The following ZFHX3 variants were observed in gnomAD, a reference collection of about 807,000 sequenced individuals.
ZFHX3 encodes the protein zinc finger homeobox 3, also known as zinc finger homeobox protein 3.
A neutral mutation model predicts 279.1 loss-of-function variants in ZFHX3; 42 were observed. The observed-to-expected ratio is 0.15, with a 90% CI of 0.12 to 0.19. The LOEUF (loss-of-function observed/expected upper bound fraction) is 0.19. ZFHX3 is among the 10% of genes least tolerant of loss of function. The probability of loss-of-function intolerance (pLI) is 1.00; values close to 1 mark genes in which losing one functional copy is unlikely to be tolerated. For missense variants in ZFHX3, 4,981 were observed against 4,754.0 expected (o/e 1.05, Z -1.40); for synonymous variants, 2,293 against 1,957.8 (o/e 1.17, Z -4.52).
chr16:73,734,650 G>A (rs977312529), intron 1 of ZFHX3, among the ~76,000 whole-genome samples: 2 of 151,980 alleles, frequency 1.3e-5, no homozygotes, highest in South Asian at 4.1e-4. Flanking sequence ...AAGTATGATG[G>A]CTTACAAAGA....
chr16:72,837,035 T>C (rs1014663395), intron 4 of ZFHX3, among the ~76,000 whole-genome samples: 1 of 152,136 alleles, frequency 6.6e-6, no homozygotes, highest in African/African-American at 2.4e-5. Flanking sequence ...TCTGCGTGTA[T>C]GATAAGCAAA....
At chr16:73,627,762 A>T (rs2052432082) in intron 2 of ZFHX3, among the ~76,000 whole-genome samples, 2 of 152,062 alleles carry the variant, frequency 1.3e-5, no homozygotes, top group African/African-American at 4.8e-5. Flanking sequence ...ACTAAAAAAC[A>T]CAAAAATTAG....
At chr16:72,844,676 G>A (rs1010719460) in intron 4 of ZFHX3, among the ~76,000 whole-genome samples, 7 of 152,102 alleles carry the variant, frequency 4.6e-5, no homozygotes, top group African/African-American at 7.2e-5. Context: ...AAAATGCACC[G>A]CAGCAGGACA....
At chr16:73,510,932 T>C (rs1293642418) in intron 2 of ZFHX3, among the ~76,000 whole-genome samples, 2 of 152,210 alleles carry the variant, frequency 1.3e-5, no homozygotes, top group Admixed American at 1.3e-4. Flanking sequence ...ATTCTAGCAA[T>C]TAATGTGATG....
rs199920204 is a variant in ZFHX3, at chr16:72,787,732, C to G, written c.10544G>C (p.Gly3515Ala). The G allele has an allele frequency of 7.2e-5, 101 of 1,399,070 alleles. No homozygotes were observed. In the African/African-American group the frequency reaches 1.4e-3, roughly 20 times the overall value. 86.7% of individuals were successfully genotyped at this position (1,399,070 alleles called of 1,614,324 possible). A position where few individuals can be genotyped will look rare whatever the true frequency, so the allele number is the denominator to read the frequency against. The change falls in exon 10 of 10, where the codon GGC becomes GCC. Residue 3515 changes from glycine to alanine, a missense_variant. Gly to Ala is a moderately conservative substitution (Grantham distance 60, BLOSUM62 0). Coordinates refer to ENST00000268489, the MANE Select transcript of ZFHX3 (RefSeq NM_006885.4). Reference sequence around the variant, plus strand: ...GCCGCCGCCGCCACCGCCGCCGCCGCCGCCACTGCCACCGCCGCCGCCGCC... The same window carrying G: ...GCCGCCGCCGCCACCGCCGCCGCCGGCGCCACTGCCACCGCCGCCGCCGCC... Reference protein sequence around the residue: ...PTGGGGGGSGGGGGGGGGGGG... With the variant: ...PTGGGGGGSGAGGGGGGGGGG...
At chr16:72,941,133 G>T (rs1163038351) in intron 3 of ZFHX3, among the ~76,000 whole-genome samples, 1 of 152,214 alleles carries the variant, frequency 6.6e-6, no homozygotes, top group East Asian at 1.9e-4. Context: ...GATGTCCACT[G>T]TGTGACGCAA....
intron 6 of ZFHX3, among the ~76,000 whole-genome samples, chr16:73,142,279 T>C (rs974716280): frequency 3.3e-5 from 5 of 152,198 alleles, no homozygotes; most frequent in African/African-American, 1.2e-4. Context: ...CATAAGTCCT[T>C]GTTAAAGGTC....
intron 2 of ZFHX3, chr16:73,504,511 G>T (rs1361953535): frequency 6.6e-6 from 1 of 152,240 alleles, no homozygotes; most frequent in East Asian, 1.9e-4. Context: ...AAAAGAAGAA[G>T]AAGTAGACAA....
chr16:72,819,305 G>C (rs2036710599), intron 5 of ZFHX3, among the ~76,000 whole-genome samples: 1 of 145,044 alleles, frequency 6.9e-6, no homozygotes, highest in Non-Finnish European at 1.5e-5. Context: ...CTGTCCTTTA[G>C]GAAAGCTCCA....
intron 2 of ZFHX3, among the ~76,000 whole-genome samples, chr16:73,615,890 C>G (rs2052296474): frequency 1.3e-5 from 2 of 152,152 alleles, no homozygotes; most frequent in East Asian, 1.9e-4. Context: ...CTCGCCTGTT[C>G]CCCTCTATGA....
chr16:72,832,858 G>A (rs1466840151), intron 4 of ZFHX3, among the ~76,000 whole-genome samples: 2 of 152,218 alleles, frequency 1.3e-5, no homozygotes, highest in Non-Finnish European at 2.9e-5. Flanking sequence ...TGGTCCTGGA[G>A]AAATAAAATA....
chr16:72,834,857 G>A (rs1192472271), intron 4 of ZFHX3, among the ~76,000 whole-genome samples: 1 of 152,076 alleles, frequency 6.6e-6, no homozygotes, highest in Non-Finnish European at 1.5e-5. Context: ...GCCAAGTGAC[G>A]TGTCCACGGC....
intron 5 of ZFHX3, among the ~76,000 whole-genome samples, chr16:73,198,556 C>T (rs1968202788): frequency 6.6e-6 from 1 of 152,090 alleles, no homozygotes; most frequent in African/African-American, 2.4e-5. Flanking sequence ...AGGCCAGAAA[C>T]TGCATGTAAA....
chr16:73,792,856 A>ACCCCCC (rs55813623), intron 1 of ZFHX3, among the ~76,000 whole-genome samples: 70 of 135,038 alleles, frequency 5.2e-4, no homozygotes, highest in Non-Finnish European at 6.0e-4. Context: ...CATACAGTGC[A>ACCCCCC]CCCCCCCCCT....
At chr16:73,846,309 T>TTAAAAAAAAAAAAA in intron 1 of ZFHX3, among the ~76,000 whole-genome samples, 1 of 152,154 alleles carries the variant, frequency 6.6e-6, no homozygotes, top group East Asian at 1.9e-4. Context: ...GCTTAAAAAA[T>TTAAAAAAAAAAAAA]AGGAGCGTCT....
intron 8 of ZFHX3, among the ~76,000 whole-genome samples, chr16:73,089,157 G>A (rs983670216): frequency 1.3e-5 from 2 of 152,050 alleles, no homozygotes; most frequent in Non-Finnish European, 2.9e-5. Context: ...AGGCTGGAGT[G>A]CAGTGACGCG....
intron 4 of ZFHX3, among the ~76,000 whole-genome samples, chr16:73,273,274 T>G (rs1355755578): frequency 6.6e-6 from 1 of 152,092 alleles, no homozygotes; most frequent in African/African-American, 2.4e-5. Context: ...TGAAAAACAT[T>G]TATGAAAATA....
chr16:73,851,515 T>C (rs764764743), intron 1 of ZFHX3, among the ~76,000 whole-genome samples: 5 of 152,186 alleles, frequency 3.3e-5, no homozygotes, highest in Admixed American at 6.5e-5. Context: ...ATTTGCTAAA[T>C]GGATAAAATA....
intron 5 of ZFHX3, among the ~76,000 whole-genome samples, chr16:73,190,260 A>G (rs1828235623): frequency 6.6e-6 from 1 of 152,178 alleles, no homozygotes; most frequent in South Asian, 2.1e-4. Context: ...GTGGGGGAAG[A>G]AGTTGCTGTT....
Sources: gnomAD v4.1 joint callset for allele counts (sites outside exome capture counted in the v4.1 genomes callset) on GRCh38, gnomAD v4.1.1 for gene constraint, MANE v1.5 for transcripts, NCBI Gene and HGNC (gene_info 2026-07-23, HGNC 2026-07-21) for gene names.